COL4A5: variants seen among roughly 807,000 people sequenced by gnomAD.
The protein encoded by COL4A5 is collagen alpha-5(IV) chain.
COL4A5 carries 26 observed loss-of-function variants against 130.2 expected under a neutral mutation model. The observed-to-expected ratio is 0.20, with a 90% CI of 0.15 to 0.28. The LOEUF (loss-of-function observed/expected upper bound fraction) is 0.28. Among genes scored for constraint, COL4A5 ranks in the 10% least tolerant of loss-of-function variants. COL4A5 has a pLI of 1.00. For synonymous variants in COL4A5, 496 were observed against 439.6 expected, an observed-to-expected ratio of 1.13 and a Z score of -1.60; for missense variants, 1,131 against 1,344.3, an observed-to-expected ratio of 0.84 and a Z score of 2.48.
At chrX:108,481,238 C>T (rs147212033) in intron 1 of COL4A5, among the ~76,000 whole-genome samples, 4,561 of 109,454 alleles carry the variant, frequency 0.042, 221 homozygotes, top group African/African-American at 0.15. Context: ...CAGTAGTCCC[C>T]GAAATATCTG....
chrX:108,646,212 C>T (rs776226490), intron 36 of COL4A5, among the ~76,000 whole-genome samples: 45 of 111,429 alleles, frequency 4.0e-4, no homozygotes, highest in Non-Finnish European at 7.5e-5. Flanking sequence ...TAAAAGTGTT[C>T]GTATTTCTCC....
chrX:108,592,728 GT>G (rs61326888), intron 21 of COL4A5, among the ~76,000 whole-genome samples: 10,625 of 93,494 alleles, frequency 0.11, 1,252 homozygotes, highest in African/African-American at 0.35. Flanking sequence ...TACATTTCCT[GT>G]TTTTTTTTTT....
At chrX:108,695,230 A>G (rs1419788017) in intron 51 of COL4A5, 37 bp from the exon 52 acceptor site, 2 of 1,206,008 alleles carry the variant, frequency 1.7e-6, no homozygotes, top group Admixed American at 4.3e-5. Context: ...ATTATGGCAC[A>G]TGGGTATTGC....
intron 19 of COL4A5, among the ~76,000 whole-genome samples, chrX:108,590,678 G>A (rs1052167179): frequency 1.8e-5 from 2 of 111,579 alleles, no homozygotes; most frequent in Non-Finnish European, 3.8e-5. Context: ...TGTGTTAATG[G>A]TGCATGAATC....
chrX:108,476,334 A>G (rs188206168), intron 1 of COL4A5, among the ~76,000 whole-genome samples: 155 of 110,441 alleles, frequency 1.4e-3, no homozygotes, highest in Non-Finnish European at 2.5e-3. Context: ...AGATGTTTTG[A>G]TACAGACACA....
At chrX:108,649,781 C>A (rs1481206633) in intron 36 of COL4A5, among the ~76,000 whole-genome samples, 1 of 111,751 alleles carries the variant, frequency 8.9e-6, no homozygotes, top group Non-Finnish European at 1.9e-5. Flanking sequence ...GGACTTAAAT[C>A]TAAGACCTGA....
At chrX:108,649,082 T>C (rs1199734888) in intron 36 of COL4A5, among the ~76,000 whole-genome samples, 2 of 111,490 alleles carry the variant, frequency 1.8e-5, no homozygotes, top group Non-Finnish European at 3.8e-5. Flanking sequence ...TCAGTAGCTC[T>C]TCTTTACACC....
chrX:108,681,688 C>T, intron 46 of COL4A5, 72 bp from the exon 47 acceptor site: 1 of 1,197,073 alleles, frequency 8.4e-7, no homozygotes, highest in Non-Finnish European at 1.1e-6. Context: ...TTGTCCTGAA[C>T]TTAGGTCACT....
chrX:108,594,206 A>T (rs1245564010), intron 21 of COL4A5, among the ~76,000 whole-genome samples: 1 of 111,784 alleles, frequency 8.9e-6, no homozygotes, highest in Non-Finnish European at 1.9e-5. Context: ...CCTTGGAGTC[A>T]TCCTTGATTC....
intron 1 of COL4A5, among the ~76,000 whole-genome samples, chrX:108,485,074 TCAC>T (rs745953708): frequency 2.9e-3 from 325 of 112,092 alleles, no homozygotes; most frequent in African/African-American, 0.01. Context: ...CACCTCATGG[TCAC>T]CACCACCACA....
chrX:108,443,341 T>A (rs772272456), intron 1 of COL4A5, among the ~76,000 whole-genome samples: 2 of 112,220 alleles, frequency 1.8e-5, no homozygotes, highest in African/African-American at 6.5e-5. Flanking sequence ...CTACTATAAT[T>A]TGTGACAGAT....
intron 25 of COL4A5, among the ~76,000 whole-genome samples, chrX:108,599,700 A>G (rs2066592727): frequency 8.9e-6 from 1 of 111,941 alleles, no homozygotes; most frequent in South Asian, 3.7e-4. Context: ...ACCACCTGTT[A>G]TAAATAAAAG....
intron 36 of COL4A5, among the ~76,000 whole-genome samples, chrX:108,633,420 T>C (rs1476083771): frequency 1.8e-5 from 2 of 111,466 alleles, no homozygotes; most frequent in Admixed American, 1.9e-4. Context: ...TAACTTTATT[T>C]TTTTTCCCAA....
chrX:108,687,358 T>C, intron 48 of COL4A5, 124 bp from the exon 49 acceptor site: 1 of 616,681 alleles, frequency 1.6e-6, no homozygotes, highest in Non-Finnish European at 2.7e-6. Flanking sequence ...ACAATGCCTT[T>C]ATAGACACTC....
At chrX:108,640,708 C>T (rs775045022) in intron 36 of COL4A5, among the ~76,000 whole-genome samples, 34 of 111,265 alleles carry the variant, frequency 3.1e-4, no homozygotes, top group Admixed American at 1.3e-3. Flanking sequence ...TGCCACAGGA[C>T]TATACCCTTA....
At chrX:108,671,187 C>T (rs1276860558) in intron 42 of COL4A5, among the ~76,000 whole-genome samples, 1 of 111,041 alleles carries the variant, frequency 9.0e-6, no homozygotes, top group Non-Finnish European at 1.9e-5. Flanking sequence ...GTTTGTTTAC[C>T]TAATTAGCAG....
chrX:108,532,384 C>A (rs2065396727), intron 1 of COL4A5, among the ~76,000 whole-genome samples: 1 of 111,326 alleles, frequency 9.0e-6, no homozygotes, highest in African/African-American at 3.3e-5. Context: ...AACATCCCTT[C>A]GTGATTGAAA....
At chrX:108,468,632 T>C (rs1904453883) in intron 1 of COL4A5, among the ~76,000 whole-genome samples, 3 of 110,111 alleles carry the variant, frequency 2.7e-5, no homozygotes, top group Non-Finnish European at 5.7e-5. Flanking sequence ...TGTTTTTTCC[T>C]ATTGGTTCTA....
In COL4A5 at chrX:108,597,029, A is replaced by G. The variant is rs1449788223; in HGVS notation, c.1548A>G (p.Glu516=). Residue 516 remains glutamate (E), a synonymous_variant, in exon 23 of 53, where the codon GAA becomes GAG. Transcript: ENST00000328300. ...TTGGTTTCCCTGGACAGAAAGGGGAAAAAGGACAAGCTGGTGCAACTGGTC... is the reference window on the plus strand; with the variant it reads ...TTGGTTTCCCTGGACAGAAAGGGGAGAAAGGACAAGCTGGTGCAACTGGTC... ...GSLGFPGQKG[E]KGQAGATGPK... 2 of 1,191,475 alleles carry G rather than the reference A, an allele frequency of 1.7e-6. No individual in the cohort carries two copies. Among genetic ancestry groups the G allele is most frequent in the Non-Finnish European group, 2.3e-6 (2 of 883,303 alleles).
Sources: allele counts gnomAD v4.1 joint callset (sites outside exome capture counted in the v4.1 genomes callset), GRCh38; gene constraint gnomAD v4.1.1; transcripts MANE v1.5; gene names NCBI Gene and HGNC (gene_info 2026-07-23, HGNC 2026-07-21).